The following SLC39A11 variants were observed in gnomAD, a reference collection of about 807,000 sequenced individuals.
SLC39A11 encodes zinc transporter ZIP11.
In SLC39A11, 33 loss-of-function variants were observed where a neutral mutation model predicts 36.1. The ratio of observed to expected loss-of-function variants is 0.91; its 90% confidence interval spans 0.69 to 1.22. The LOEUF is 1.22. SLC39A11 is among the 50% of genes most tolerant of loss of function. The pLI, the probability that SLC39A11 is intolerant of heterozygous loss-of-function variation, is 0.00. For synonymous variants in SLC39A11, 166 were observed against 170.3 expected (o/e 0.97, Z 0.20); for missense variants, 432 against 430.3 (o/e 1.00, Z -0.03).
chr17:72,856,805 A>G (rs1433773886), intron 5 of SLC39A11, among the ~76,000 whole-genome samples: 1 of 152,088 alleles, frequency 6.6e-6, no homozygotes, highest in East Asian at 1.9e-4. Flanking sequence ...TTCGGCCTCC[A>G]GAGTAGCTGG....
At chr17:72,888,570 T>C (rs1466059408) in intron 5 of SLC39A11, among the ~76,000 whole-genome samples, 1 of 152,138 alleles carries the variant, frequency 6.6e-6, no homozygotes, top group East Asian at 1.9e-4. Context: ...ACAACATCAT[T>C]TTGCCTACTC....
intron 6 of SLC39A11, among the ~76,000 whole-genome samples, chr17:72,783,016 A>T (rs558570240): frequency 6.6e-6 from 1 of 151,354 alleles, no homozygotes; most frequent in Non-Finnish European, 1.5e-5. Flanking sequence ...AAAAAAAAAA[A>T]AAAAAAGAAA....
intron 7 of SLC39A11, among the ~76,000 whole-genome samples, chr17:72,716,937 C>T (rs1222943066): frequency 6.8e-6 from 1 of 147,870 alleles, no homozygotes; most frequent in Non-Finnish European, 1.5e-5. Flanking sequence ...CCACTGCACT[C>T]CACCCTGGGA....
chr17:72,678,790 T>TA (rs2071389842), intron 7 of SLC39A11, among the ~76,000 whole-genome samples: 2 of 152,126 alleles, frequency 1.3e-5, no homozygotes, highest in South Asian at 4.1e-4. Flanking sequence ...TCTGAGCTCC[T>TA]AATCTCTCAG....
intron 4 of SLC39A11, among the ~76,000 whole-genome samples, chr17:72,984,938 C>T (rs915409102): frequency 1.3e-5 from 2 of 152,226 alleles, no homozygotes; most frequent in Admixed American, 6.5e-5. Context: ...GAATTGCACA[C>T]AGCAGCAATA....
intron 3 of SLC39A11, among the ~76,000 whole-genome samples, chr17:73,046,023 GC>G (rs1392043808): frequency 6.6e-6 from 1 of 152,162 alleles, no homozygotes; most frequent in African/African-American, 2.4e-5. Context: ...AGATCTAGCT[GC>G]TAAGAAAGCA....
rs191188810 is a variant in SLC39A11 at position 72,910,695 on chromosome 17, G to A, written c.430+37057C>T. Among the ~76,000 whole-genome samples the A allele has an allele frequency of 3.5e-3, 525 of 149,346 alleles. 4 individuals carry two copies. Among genetic ancestry groups the A allele is most frequent in the African/African-American group, 0.012 (496 of 40,444 alleles). On this transcript the variant is annotated intron_variant, in intron 5 of 9. Transcript: ENST00000255559. ...TAATCCCAATACTTTGGGAGGCCAA[G>A]GCAGGCAGATCACTTCAGGCCAGGA... is the stretch of plus-strand genomic sequence containing the variant.
At chr17:72,743,224 GTC>G in intron 6 of SLC39A11, among the ~76,000 whole-genome samples, 1 of 150,250 alleles carries the variant, frequency 6.7e-6, no homozygotes, top group South Asian at 2.1e-4. Flanking sequence ...GTAAACCGCA[GTC>G]TCTCATTGTT....
Position 73,004,210 on chromosome 17 carries a change from A to AGGAAAGAAAGAAAG in SLC39A11, c.306+27345_306+27346insCTTTCTTTCTTTCC, listed in dbSNP as rs1491450426. Among the ~76,000 whole-genome samples the AGGAAAGAAAGAAAG allele has an allele frequency of 4.2e-3, 548 of 129,072 alleles. 21 individuals are homozygous for AGGAAAGAAAGAAAG. Among genetic ancestry groups the AGGAAAGAAAGAAAG allele is most frequent in the East Asian group, 8.4e-3 (31 of 3,692 alleles). The allele number at this position is 129,072 out of a possible 152,430, so 84.7% of individuals were successfully genotyped here. A position where few individuals can be genotyped will look rare whatever the true frequency, so the allele number is the denominator to read the frequency against. On this transcript the variant is annotated intron_variant, in intron 4 of 9. Coordinates refer to ENST00000255559, the MANE Select transcript of SLC39A11 (RefSeq NM_139177.4). ...AAGAAAGAAAGAAAGAAAGAAAGAA[A>AGGAAAGAAAGAAAG]GAAAGAAAGAAAGAAAGAAAGAAAA...
chr17:73,087,994 G>C (rs1053238897), intron 2 of SLC39A11, among the ~76,000 whole-genome samples: 3 of 152,150 alleles, frequency 2.0e-5, no homozygotes, highest in Non-Finnish European at 4.4e-5. Context: ...AGTACCACTT[G>C]CTCCAGGCCT....
chr17:72,728,444 AGAAAGG>A (rs570694288), intron 7 of SLC39A11, among the ~76,000 whole-genome samples: 14 of 151,770 alleles, frequency 9.2e-5, no homozygotes, highest in African/African-American at 2.4e-4. Flanking sequence ...CCTGTCAAAA[AGAAAGG>A]GAAAGGGAAA....
intron 5 of SLC39A11, among the ~76,000 whole-genome samples, chr17:72,907,986 T>C (rs1226430087): frequency 3.3e-5 from 5 of 152,176 alleles, no homozygotes; most frequent in African/African-American, 1.2e-4. Context: ...GACAGATACA[T>C]CACTTATTTA....
chr17:72,673,041 G>C (rs919223086), intron 7 of SLC39A11, among the ~76,000 whole-genome samples: 5 of 152,148 alleles, frequency 3.3e-5, no homozygotes, highest in African/African-American at 1.2e-4. Context: ...AAGATACCCG[G>C]CCCTTAAAAG....
At chr17:72,841,854 G>A (rs1263107799) in intron 6 of SLC39A11, among the ~76,000 whole-genome samples, 1 of 151,698 alleles carries the variant, frequency 6.6e-6, no homozygotes, top group Non-Finnish European at 1.5e-5. Context: ...TTGAGCCCAG[G>A]AGTTCGAGAC....
chr17:72,827,881 G>T (rs1194145421), intron 6 of SLC39A11, among the ~76,000 whole-genome samples: 1 of 152,188 alleles, frequency 6.6e-6, no homozygotes, highest in East Asian at 1.9e-4. Context: ...TGGGACAGGT[G>T]CCCAAGTCCA....
intron 4 of SLC39A11, among the ~76,000 whole-genome samples, chr17:73,011,440 ACAAT>A (rs1338016020): frequency 6.6e-6 from 1 of 152,206 alleles, no homozygotes; most frequent in Non-Finnish European, 1.5e-5. Context: ...AGCCAGAAAC[ACAAT>A]CAGACTCACA....
intron 6 of SLC39A11, among the ~76,000 whole-genome samples, chr17:72,827,243 G>A (rs59233192): frequency 1.5e-3 from 223 of 152,276 alleles, no homozygotes; most frequent in African/African-American, 5.3e-3. Context: ...GATACAACAG[G>A]CCACATACTA....
chr17:73,082,099 C>T (rs1015104834), intron 3 of SLC39A11, among the ~76,000 whole-genome samples: 1 of 126,820 alleles, frequency 7.9e-6, no homozygotes, highest in Admixed American at 9.1e-5. Context: ...CCTGTTCCCC[C>T]CAAAACCTAC....
chr17:73,006,687 C>G (rs11077652), intron 4 of SLC39A11, among the ~76,000 whole-genome samples: 5 of 151,934 alleles, frequency 3.3e-5, no homozygotes, highest in African/African-American at 1.2e-4. Flanking sequence ...CATGCACACA[C>G]GCACCCCTAC....
Sources: allele counts gnomAD v4.1 joint callset (sites outside exome capture counted in the v4.1 genomes callset), GRCh38; gene constraint gnomAD v4.1.1; transcripts MANE v1.5; gene names NCBI Gene and HGNC (gene_info 2026-07-23, HGNC 2026-07-21).